The following ZNF610 variants were observed in gnomAD, a reference collection of about 807,000 sequenced individuals.
ZNF610 encodes the protein zink finger protein.
ZNF610 carries 14 observed loss-of-function variants against 14.1 expected under a neutral mutation model. The observed-to-expected ratio is 0.99, with a 90% CI of 0.65 to 1.55. ZNF610 has a LOEUF of 1.55. Among genes scored for constraint, ZNF610 ranks in the 40% most tolerant of loss-of-function variants. The pLI is 0.00. For missense variants in ZNF610, 530 were observed against 558.0 expected (o/e 0.95, Z 0.51); for synonymous variants, 185 against 187.6 (o/e 0.99, Z 0.11).
At chr19:52,348,047 T>C (rs888062301) in intron 2 of ZNF610, 103 bp downstream of exon 2, 8 of 152,198 alleles carry the variant, frequency 5.3e-5, no homozygotes, top group African/African-American at 1.9e-4. Flanking sequence ...GTACATACCA[T>C]TGTGTCACAG....
chr19:52,353,597 G>A (rs1985364197), intron 3 of ZNF610, 85 bp from the exon 4 acceptor site: 1 of 1,463,564 alleles, frequency 6.8e-7, no homozygotes, highest in African/African-American at 1.4e-5. Flanking sequence ...ATTTTTAATA[G>A]CTTAATATTC....
At chr19:52,354,411 TA>T in intron 5 of ZNF610, 32 bp downstream of exon 5, 1 of 1,597,406 alleles carries the variant, frequency 6.3e-7, no homozygotes, top group Non-Finnish European at 8.5e-7. Context: ...GTGGAGGCCA[TA>T]GTTTTTATTT....
rs749436661 is a variant in ZNF610, at chr19:52,354,326, T to C, written c.266T>C (p.Val89Ala). 1 of 1,614,166 alleles carries C rather than the reference T, an allele frequency of 6.2e-7. No homozygotes were observed. The highest frequency in any genetic ancestry group is 1.1e-5 in the South Asian group (1 of 91,088). The change falls in exon 5 of 6, where the codon GTT (valine) becomes GCT (alanine). Residue 89 changes from valine (V) to alanine (A), a missense_variant. Val to Ala is a moderately conservative substitution (Grantham distance 64). Coordinates refer to ENST00000403906, the MANE Select transcript of ZNF610 (RefSeq NM_001161425.2). Reference protein sequence around the residue: ...RREPLILQSQVKIVKNTDGRE... With the variant: ...RREPLILQSQAKIVKNTDGRE... ...GAGCCCTTGATTCTGCAAAGTCAAG[T>C]TAAAATAGTAAAAAATACAGATGGA...
At chr19:52,344,315 T>C in intron 1 of ZNF610, among the ~76,000 whole-genome samples, 1 of 103,182 alleles carries the variant, frequency 9.7e-6, no homozygotes, top group Non-Finnish European at 2.2e-5. Flanking sequence ...CTTAGGATTC[T>C]GTGACCCCCC....
At chr19:52,344,802 G>C (rs1428642177) in intron 1 of ZNF610, among the ~76,000 whole-genome samples, 1 of 152,138 alleles carries the variant, frequency 6.6e-6, no homozygotes, top group Non-Finnish European at 1.5e-5. Context: ...ACTCTCTTTT[G>C]TTTTTGAGGA....
chr19:52,363,034 GAAGA>G (rs1168333515), intron 5 of ZNF610, among the ~76,000 whole-genome samples: 1 of 151,914 alleles, frequency 6.6e-6, no homozygotes, highest in African/African-American at 2.4e-5. Flanking sequence ...AAAGAAGGGG[GAAGA>G]AAGAAAGAAG....
intron 5 of ZNF610, among the ~76,000 whole-genome samples, chr19:52,364,903 C>A (rs1218221010): frequency 6.6e-6 from 1 of 151,980 alleles, no homozygotes; most frequent in Non-Finnish European, 1.5e-5. Context: ...TAAGCACTTT[C>A]AACATATCAT....
intron 5 of ZNF610, among the ~76,000 whole-genome samples, chr19:52,362,013 G>T (rs62108308): frequency 0.18 from 26,900 of 152,004 alleles, 2,633 homozygotes; most frequent in East Asian, 0.25. Context: ...CACAAACTCC[G>T]AGGCTAAGGT....
upstream of ZNF610, among the ~76,000 whole-genome samples, chr19:52,331,768 G>C (rs62111465): frequency 6.1e-4 from 92 of 151,976 alleles, no homozygotes; most frequent in Admixed American, 2.0e-3. Context: ...TGCCTTTCTC[G>C]CTCTCTCTTT....
Position 52,353,725 on chromosome 19 carries a change from AG to A in ZNF610, c.109del (p.Glu37SerfsTer16), listed in dbSNP as rs1376478102. ...GACGTGGCCATCGAATTCTCTCAGG[AG>A]GAGTGGAAATCCCTGGACCCTGGAC... ...FMDVAIEFSQEEWKSLDPGQR... is the reference protein window; with the variant it reads ...FMDVAIEFSQXEWKSLDPGQR... On this transcript the variant is annotated frameshift_variant, in exon 4 of 6. Transcript: ENST00000403906. LOFTEE classifies it high-confidence loss of function. 5.3e-5 allele frequency: 85 copies of A among 1,613,962 alleles called. No individual in the cohort carries two copies. Among genetic ancestry groups the A allele is most frequent in the Non-Finnish European group, 6.9e-5 (81 of 1,179,932 alleles).
intron 3 of ZNF610, among the ~76,000 whole-genome samples, chr19:52,350,421 T>TA (rs1402983147): frequency 6.6e-6 from 1 of 152,208 alleles, no homozygotes; most frequent in Non-Finnish European, 1.5e-5. Context: ...CTCACGCCTG[T>TA]AATCCCAGCA....
chr19:52,336,973 A>T (rs1984416510), intron 1 of ZNF610, among the ~76,000 whole-genome samples: 1 of 152,120 alleles, frequency 6.6e-6, no homozygotes, highest in Non-Finnish European at 1.5e-5. Context: ...GGCAGGAAAT[A>T]GAAAAATTTT....
chr19:52,362,795 T>G (rs1985843907), intron 5 of ZNF610, among the ~76,000 whole-genome samples: 2 of 152,294 alleles, frequency 1.3e-5, no homozygotes, highest in South Asian at 4.1e-4. Flanking sequence ...TTCTAAATGT[T>G]TAAAAGATTG....
At chr19:52,345,874 T>G (rs1251811028) in intron 1 of ZNF610, among the ~76,000 whole-genome samples, 1 of 151,422 alleles carries the variant, frequency 6.6e-6, no homozygotes, top group African/African-American at 2.4e-5. Flanking sequence ...CCAGCTAATT[T>G]TTTGTATTTT....
chr19:52,344,636 G>C (rs1346763598), intron 1 of ZNF610, among the ~76,000 whole-genome samples: 2 of 152,214 alleles, frequency 1.3e-5, no homozygotes, highest in Non-Finnish European at 2.9e-5. Flanking sequence ...TGCTACAGTA[G>C]TTGCTCCCTA....
intron 1 of ZNF610, chr19:52,343,992 C>G (rs1239501042): frequency 6.6e-6 from 1 of 152,068 alleles, no homozygotes; most frequent in Non-Finnish European, 1.5e-5. Context: ...TCCAGGGGAG[C>G]TGGGAATCCA....
At chr19:52,350,544 G>C (rs1985200743) in intron 3 of ZNF610, among the ~76,000 whole-genome samples, 1 of 152,154 alleles carries the variant, frequency 6.6e-6, no homozygotes, top group African/African-American at 2.4e-5. Context: ...AAGGCTTGGT[G>C]GTGGGCACCT....
upstream of ZNF610, among the ~76,000 whole-genome samples, chr19:52,331,721 A>G (rs1984218751): frequency 6.6e-6 from 1 of 152,152 alleles, no homozygotes; most frequent in South Asian, 2.1e-4. Context: ...CCTGCTGTGA[A>G]CCAAACGGCT....
chr19:52,334,615 A>C (rs1984287404), upstream of ZNF610, among the ~76,000 whole-genome samples: 1 of 152,218 alleles, frequency 6.6e-6, no homozygotes, highest in Non-Finnish European at 1.5e-5. Context: ...CAATTTTGAC[A>C]GTAGTAGAGA....
Sources: gnomAD v4.1 joint callset for allele counts (sites outside exome capture counted in the v4.1 genomes callset) on GRCh38, gnomAD v4.1.1 for gene constraint, MANE v1.5 for transcripts, NCBI Gene and HGNC (gene_info 2026-07-23, HGNC 2026-07-21) for gene names.